PLCG2: variants seen among roughly 807,000 people sequenced by gnomAD.
PLCG2 encodes the protein phospholipase C gamma 2.
Under a neutral mutation model 175.6 loss-of-function variants are expected in PLCG2, and 69 were observed. The observed-to-expected ratio is 0.39, with a 90% CI of 0.32 to 0.48. The LOEUF (loss-of-function observed/expected upper bound fraction) is 0.48. Ranked by LOEUF, PLCG2 falls within the 20% of genes least tolerant of loss-of-function variation. PLCG2 has a pLI of 0.91. For missense variants in PLCG2, 1,798 were observed against 1,650.9 expected (o/e 1.09, Z -1.54); for synonymous variants, 827 against 624.0 (o/e 1.33, Z -4.85).
chr16:81,801,254 T>C (rs1361122703), intron 2 of PLCG2, among the ~76,000 whole-genome samples: 1 of 152,226 alleles, frequency 6.6e-6, no homozygotes, highest in African/African-American at 2.4e-5. Context: ...AAATAAAATA[T>C]AGTTAAGTTC....
At chr16:81,754,594 G>C (rs1377396717) in intron 1 of PLCG2, among the ~76,000 whole-genome samples, 1 of 149,232 alleles carries the variant, frequency 6.7e-6, no homozygotes, top group African/African-American at 2.5e-5. Flanking sequence ...TTCACAGTTT[G>C]TCAAGGACCT....
chr16:81,853,851 C>T (rs775241220), intron 2 of PLCG2, among the ~76,000 whole-genome samples: 10 of 152,174 alleles, frequency 6.6e-5, no homozygotes, highest in Non-Finnish European at 1.2e-4. Context: ...TTACCACTCT[C>T]TTCTCACAGG....
intron 14 of PLCG2, among the ~76,000 whole-genome samples, chr16:81,902,440 C>T (rs1909190756): frequency 6.6e-6 from 1 of 152,200 alleles, no homozygotes; most frequent in African/African-American, 2.4e-5. Context: ...TGTGTCCTCA[C>T]ATGGTGGAAA....
intron 1 of PLCG2, among the ~76,000 whole-genome samples, chr16:81,785,594 G>A (rs541366837): frequency 4.0e-5 from 6 of 151,820 alleles, no homozygotes; most frequent in Non-Finnish European, 5.9e-5. Context: ...TTAGGGGTGA[G>A]AGGTGGGAGC....
At chr16:81,849,771 CAAAAAA>C (rs34130863) in intron 2 of PLCG2, among the ~76,000 whole-genome samples, 1 of 83,152 alleles carries the variant, frequency 1.2e-5, no homozygotes, top group Non-Finnish European at 2.1e-5. Context: ...AACTCTGTCT[CAAAAAA>C]AAAAAAAAAA....
chr16:81,866,291 C>A (rs928514928), intron 5 of PLCG2, among the ~76,000 whole-genome samples: 8 of 140,658 alleles, frequency 5.7e-5, no homozygotes, highest in Non-Finnish European at 1.2e-4. Flanking sequence ...GCTAGCCTCT[C>A]CCTTTCTCCC....
chr16:81,915,004 A>T (rs1465102928), intron 19 of PLCG2, among the ~76,000 whole-genome samples: 2 of 152,216 alleles, frequency 1.3e-5, no homozygotes, highest in African/African-American at 4.8e-5. Flanking sequence ...CAAAAATAAC[A>T]TCCCTGCCCC....
At chr16:81,776,637 C>G (rs895058771), upstream of PLCG2, among the ~76,000 whole-genome samples, 1 of 152,214 alleles carries the variant, frequency 6.6e-6, no homozygotes, top group African/African-American at 2.4e-5. Flanking sequence ...TCACTGCAAC[C>G]TCTGCCTTCT....
At chr16:81,799,080 T>A (rs544322048) in intron 2 of PLCG2, 2 of 152,278 alleles carry the variant, frequency 1.3e-5, no homozygotes, top group African/African-American at 4.8e-5. Flanking sequence ...GTTTCCTGTT[T>A]AGACAGCTCT....
chr16:81,864,759 G>A (rs1368697284), intron 5 of PLCG2, among the ~76,000 whole-genome samples: 3 of 152,156 alleles, frequency 2.0e-5, no homozygotes, highest in Admixed American at 6.5e-5. Flanking sequence ...TAAGTGTCAC[G>A]GGGCTGCCAT....
intron 14 of PLCG2, among the ~76,000 whole-genome samples, chr16:81,904,065 A>G (rs1419514334): frequency 1.3e-5 from 2 of 152,186 alleles, no homozygotes; most frequent in African/African-American, 4.8e-5. Flanking sequence ...CAGAGGTTAA[A>G]TAGCTCAGCC....
intron 31 of PLCG2, among the ~76,000 whole-genome samples, chr16:81,955,741 A>G (rs771081330): frequency 2.0e-4 from 30 of 152,190 alleles, no homozygotes; most frequent in Non-Finnish European, 3.4e-4. Context: ...AGCACCAACG[A>G]AAGTCCCACG....
At chr16:81,930,116 C>T (rs569056087) in intron 24 of PLCG2, among the ~76,000 whole-genome samples, 5 of 151,874 alleles carry the variant, frequency 3.3e-5, no homozygotes, top group Non-Finnish European at 5.9e-5. Context: ...TGGGTGGATC[C>T]CTTGAGCCCC....
intron 2 of PLCG2, 50 bp downstream of exon 2, chr16:81,786,232 C>G: frequency 7.0e-7 from 1 of 1,438,362 alleles, no homozygotes; most frequent in African/African-American, 1.4e-5. Flanking sequence ...GGGGCCCTGG[C>G]CTGAGCACCT....
Position 81,957,980 on chromosome 16 carries a change from C to G in PLCG2, c.3780C>G (p.Asn1260Lys), listed in dbSNP as rs758825034. The G allele has an allele frequency of 8.1e-6, 13 of 1,613,272 alleles. No individual in the cohort carries two copies. Among genetic ancestry groups the G allele is most frequent in the Admixed American group, 6.7e-5 (4 of 59,994 alleles). The change falls in exon 33 of 33, where the codon AAC becomes AAG. Residue 1260 changes from asparagine to lysine, a missense_variant. By Grantham distance (94) the Asn-to-Lys change is moderately conservative. Coordinates refer to ENST00000564138, the MANE Select transcript of PLCG2 (RefSeq NM_002661.5). ...NKRLREKRVS[N>K]SKFYS ...GGTTAAGAGAGAAGAGAGTCAGCAA[C>G]AGCAAGTTTTACTCATAGAAGCTGG... is the stretch of plus-strand genomic sequence containing the variant.
chr16:81,838,041 A>T (rs1905616402), intron 2 of PLCG2, among the ~76,000 whole-genome samples: 1 of 151,836 alleles, frequency 6.6e-6, no homozygotes, highest in African/African-American at 2.4e-5. Context: ...CACCAATTCC[A>T]TTTCCAAAAT....
intron 1 of PLCG2, among the ~76,000 whole-genome samples, chr16:81,740,834 C>G (rs890448556): frequency 4.0e-5 from 6 of 149,962 alleles, no homozygotes; most frequent in African/African-American, 1.5e-4. Context: ...CTGTGGTCAG[C>G]ATCCCTAGCA....
intron 14 of PLCG2, among the ~76,000 whole-genome samples, chr16:81,903,650 G>A (rs1909243952): frequency 6.6e-6 from 1 of 152,166 alleles, no homozygotes; most frequent in Non-Finnish European, 1.5e-5. Flanking sequence ...CAGGATAAGG[G>A]GTGGAGGGAG....
intron 2 of PLCG2, among the ~76,000 whole-genome samples, chr16:81,844,390 A>C (rs1190049841): frequency 6.6e-6 from 1 of 151,860 alleles, no homozygotes; most frequent in Non-Finnish European, 1.5e-5. Flanking sequence ...ATCTTGGCTC[A>C]CTGCAACCTC....
Sources: gnomAD v4.1 joint callset for allele counts (sites outside exome capture counted in the v4.1 genomes callset) on GRCh38, gnomAD v4.1.1 for gene constraint, MANE v1.5 for transcripts, NCBI Gene and HGNC (gene_info 2026-07-23, HGNC 2026-07-21) for gene names.